Variants in KCNIP4 observed in about 807,000 individuals in gnomAD.
The protein encoded by KCNIP4 is Kv channel-interacting protein 4.
Under a neutral mutation model 34.0 loss-of-function variants are expected in KCNIP4, and 12 were observed. The ratio of observed to expected loss-of-function variants is 0.35; its 90% CI spans 0.23 to 0.57. The LOEUF is 0.57. KCNIP4 is among the 20% of genes least tolerant of loss of function. The probability of loss-of-function intolerance (pLI) is 0.83; values close to 1 mark genes in which losing one functional copy is unlikely to be tolerated. For synonymous variants in KCNIP4, 124 were observed against 102.2 expected, an observed-to-expected ratio of 1.21 and a Z score of -1.29; for missense variants, 238 against 311.7, an observed-to-expected ratio of 0.76 and a Z score of 1.78.
intron 1 of KCNIP4, among the ~76,000 whole-genome samples, chr4:21,879,670 C>A (rs561889610): frequency 1.3e-5 from 2 of 152,146 alleles, no homozygotes; most frequent in South Asian, 4.1e-4. Flanking sequence ...CCAATTTTTC[C>A]CTTTGAGTAT....
At chr4:21,043,869 C>T (rs73101729) in intron 1 of KCNIP4, among the ~76,000 whole-genome samples, 15,854 of 152,096 alleles carry the variant, frequency 0.1, 900 homozygotes, top group South Asian at 0.15. Context: ...GAATCAGAAC[C>T]TCAAATCTAT....
At chr4:20,975,643 A>G (rs533384067) in intron 1 of KCNIP4, among the ~76,000 whole-genome samples, 2 of 152,292 alleles carry the variant, frequency 1.3e-5, no homozygotes, top group African/African-American at 4.8e-5. Flanking sequence ...CCATCCCCTC[A>G]ATAGTACAGA....
At chr4:20,892,172 C>T (rs1725986944) in intron 1 of KCNIP4, among the ~76,000 whole-genome samples, 2 of 152,088 alleles carry the variant, frequency 1.3e-5, no homozygotes, top group African/African-American at 4.8e-5. Context: ...AATGACCTTC[C>T]TAATTGACCT....
chr4:20,846,143 G>T (rs923363498), intron 3 of KCNIP4, among the ~76,000 whole-genome samples: 2 of 152,134 alleles, frequency 1.3e-5, no homozygotes, highest in Admixed American at 6.6e-5. Flanking sequence ...ATGCCTTAAT[G>T]ATATATTTGA....
chr4:21,309,621 C>G (rs891852635), intron 1 of KCNIP4, among the ~76,000 whole-genome samples: 1 of 152,164 alleles, frequency 6.6e-6, no homozygotes, highest in East Asian at 1.9e-4. Context: ...GATTATTTCA[C>G]TGTATCCTCT....
At chr4:20,982,349 A>G (rs1736145156) in intron 1 of KCNIP4, among the ~76,000 whole-genome samples, 1 of 152,176 alleles carries the variant, frequency 6.6e-6, no homozygotes, top group Non-Finnish European at 1.5e-5. Context: ...CAATCATAGA[A>G]ATTGAAATTG....
chr4:21,902,680 C>T lies in KCNIP4; in HGVS notation c.61+45891G>A, dbSNP rs1727773233. ...ATTTGGCTATAATGAAGTGAACAAG[C>T]GGGAGAATGGTGTAAGAATGAAGTT... On this transcript the variant is annotated intron_variant, in intron 1 of 8. Coordinates refer to ENST00000382152, the MANE Select transcript of KCNIP4 (RefSeq NM_025221.6). Among the ~76,000 whole-genome samples the T allele has an allele frequency of 2.0e-5, 3 of 151,838 alleles. No homozygotes were observed. In the South Asian group the frequency reaches 6.2e-4, roughly 32 times the overall value.
chr4:20,938,535 C>G (rs557867622), intron 1 of KCNIP4, among the ~76,000 whole-genome samples: 5 of 152,264 alleles, frequency 3.3e-5, no homozygotes, highest in African/African-American at 4.8e-5. Flanking sequence ...TATTTCCAGT[C>G]ATGTCTCTTA....
intron 1 of KCNIP4, among the ~76,000 whole-genome samples, chr4:21,035,151 C>A (rs1027534455): frequency 1.3e-5 from 2 of 152,192 alleles, no homozygotes; most frequent in Non-Finnish European, 2.9e-5. Flanking sequence ...GAGCACCAAG[C>A]TTCATTTCTG....
intron 3 of KCNIP4, among the ~76,000 whole-genome samples, chr4:20,789,723 A>G (rs1712481179): frequency 6.6e-6 from 1 of 151,444 alleles, no homozygotes; most frequent in Non-Finnish European, 1.5e-5. Context: ...CTGGCTGCCA[A>G]CCTGCCAACT....
At chr4:21,282,151 C>T (rs1762816584) in intron 1 of KCNIP4, among the ~76,000 whole-genome samples, 1 of 152,120 alleles carries the variant, frequency 6.6e-6, no homozygotes, top group Non-Finnish European at 1.5e-5. Context: ...ATTGTGTTTC[C>T]CAAATTTCAG....
chr4:20,933,277 G>C (rs1199235334), intron 1 of KCNIP4, among the ~76,000 whole-genome samples: 1 of 151,966 alleles, frequency 6.6e-6, no homozygotes, highest in Non-Finnish European at 1.5e-5. Context: ...TAAAAATACA[G>C]AGTATAAACA....
At chr4:21,039,469 T>C (rs73245221) in intron 1 of KCNIP4, among the ~76,000 whole-genome samples, 2,275 of 152,216 alleles carry the variant, frequency 0.015, 23 homozygotes, top group Non-Finnish European at 0.025. Flanking sequence ...AGAGTTCTCC[T>C]CTGCAAGAAA....
chr4:20,874,116 T>C (rs1483888645), intron 2 of KCNIP4, among the ~76,000 whole-genome samples: 2 of 152,184 alleles, frequency 1.3e-5, no homozygotes, highest in Non-Finnish European at 2.9e-5. Context: ...CTAAACACTT[T>C]ACATGCTCAT....
intron 1 of KCNIP4, among the ~76,000 whole-genome samples, chr4:21,038,254 C>T (rs532177732): frequency 1.1e-4 from 16 of 152,316 alleles, no homozygotes; most frequent in African/African-American, 2.6e-4. Context: ...GGATTACAGG[C>T]GTGAGCCACC....
At chr4:21,642,243 G>A (rs1746665932) in intron 1 of KCNIP4, among the ~76,000 whole-genome samples, 1 of 152,104 alleles carries the variant, frequency 6.6e-6, no homozygotes, top group Non-Finnish European at 1.5e-5. Flanking sequence ...TGGTTTGACA[G>A]AAGAGTGGAA....
rs149918566 is a variant in KCNIP4 at position 21,343,712 on chromosome 4, C to T, written c.62-461003G>A. On this transcript the variant is annotated intron_variant, in intron 1 of 8. Coordinates refer to ENST00000382152, the MANE Select transcript of KCNIP4 (RefSeq NM_025221.6). ...TTCTAACTTCACCCCCAGAAAGTCT[C>T]AGGGGGAGCTTCAAACATTCACATT... is the stretch of plus-strand genomic sequence containing the variant. Among the ~76,000 whole-genome samples, 527 of 152,184 alleles carry T rather than the reference C, an allele frequency of 3.5e-3. 5 individuals are homozygous for T. Among genetic ancestry groups the T allele is most frequent in the African/African-American group, 0.012 (508 of 41,536 alleles).
intron 1 of KCNIP4, among the ~76,000 whole-genome samples, chr4:21,318,851 T>C (rs907062080): frequency 2.0e-5 from 3 of 152,052 alleles, no homozygotes; most frequent in African/African-American, 7.2e-5. Context: ...ATTAGAAACA[T>C]GAAGAGTCTT....
rs1221730082 is a variant in KCNIP4 at position 21,693,567 on chromosome 4, AT to A, written c.61+255003del. Among the ~76,000 whole-genome samples, 3 of 151,216 alleles carry A rather than the reference AT, an allele frequency of 2.0e-5. No individual in the cohort carries two copies. The East Asian group carries it at 5.8e-4, about 29-fold the overall frequency. On this transcript the variant is annotated intron_variant, in intron 1 of 8. Transcript: ENST00000382152. ...GATAGAGCAAGACTCCGTCTCAAAA[AT>A]AAATAAATAAATAAATAAGTCTTTA...
Sources: gnomAD v4.1 joint callset for allele counts (sites outside exome capture counted in the v4.1 genomes callset) on GRCh38, gnomAD v4.1.1 for gene constraint, MANE v1.5 for transcripts, NCBI Gene and HGNC (gene_info 2026-07-23, HGNC 2026-07-21) for gene names.